CA8: variants seen among roughly 807,000 people sequenced by gnomAD.
The protein encoded by CA8 is carbonic anhydrase 8 (inactive), also known as carbonic anhydrase-related protein.
A neutral mutation model predicts 41.4 loss-of-function variants in CA8; 22 were observed. The observed-to-expected ratio is 0.53, with a 90% CI of 0.38 to 0.76. CA8 has a LOEUF of 0.76. Ranked by LOEUF, CA8 falls within the 30% of genes least tolerant of loss-of-function variation. The probability of loss-of-function intolerance (pLI) is 0.00; values close to 1 mark genes in which losing one functional copy is unlikely to be tolerated. For missense variants in CA8, 270 were observed against 352.8 expected, an observed-to-expected ratio of 0.77 and a Z score of 1.88; for synonymous variants, 121 against 130.6, an observed-to-expected ratio of 0.93 and a Z score of 0.50.
At chr8:60,249,686 TATC>T (rs1270714828) in intron 3 of CA8, among the ~76,000 whole-genome samples, 3 of 152,216 alleles carry the variant, frequency 2.0e-5, no homozygotes, top group South Asian at 2.1e-4. Flanking sequence ...GTATTTTCTG[TATC>T]ATCATTTTAC....
intron 7 of CA8, among the ~76,000 whole-genome samples, chr8:60,215,664 T>G (rs1806994869): frequency 6.6e-6 from 1 of 152,128 alleles, no homozygotes; most frequent in African/African-American, 2.4e-5. Flanking sequence ...TCTCCCTACA[T>G]AAGGCATGCT....
chr8:60,215,098 CCTGTT>C (rs1806969856), intron 7 of CA8, among the ~76,000 whole-genome samples: 1 of 151,878 alleles, frequency 6.6e-6, no homozygotes, highest in Admixed American at 6.6e-5. Flanking sequence ...ACCATAATAC[CCTGTT>C]CTATCAATTC....
rs542562285 is a variant in CA8, at chr8:60,255,057, C to T, written c.417+10868G>A. Among the ~76,000 whole-genome samples the T allele has an allele frequency of 3.5e-4, 53 of 152,240 alleles. 1 individual carries two copies. In the South Asian group the frequency reaches 0.011, roughly 32 times the overall value. On this transcript the variant is annotated intron_variant, in intron 3 of 8. Transcript: ENST00000317995. The stretch of plus-strand genomic sequence containing the variant: ...TAAGTGGGGAATTTGAGAGAGTCAT[C>T]AATCTTACTAATGGGACCGCTGCTT...
chr8:60,260,971 T>G (rs543717982), intron 3 of CA8, among the ~76,000 whole-genome samples: 9 of 152,170 alleles, frequency 5.9e-5, no homozygotes, highest in Admixed American at 3.9e-4. Flanking sequence ...TGAATAAAAA[T>G]AAATCTTTCT....
intron 3 of CA8, among the ~76,000 whole-genome samples, chr8:60,258,563 T>A (rs1042235171): frequency 6.6e-6 from 1 of 152,164 alleles, no homozygotes; most frequent in South Asian, 2.1e-4. Context: ...ATGATTCAAG[T>A]GCATTACATT....
At chr8:60,227,073 C>T (rs1295175517) in intron 4 of CA8, 138 bp from the exon 5 acceptor site, 2 of 714,648 alleles carry the variant, frequency 2.8e-6, no homozygotes, top group African/African-American at 3.5e-5. Context: ...GGGTGGATCA[C>T]AAGGTTAGGA....
intron 2 of CA8, among the ~76,000 whole-genome samples, chr8:60,276,218 G>A (rs1189069528): frequency 1.3e-5 from 2 of 152,180 alleles, no homozygotes; most frequent in Non-Finnish European, 2.9e-5. Context: ...GACTTCCACG[G>A]CATCCAGGAA....
chr8:60,270,978 T>G (rs1378042161), intron 2 of CA8, among the ~76,000 whole-genome samples: 1 of 152,122 alleles, frequency 6.6e-6, no homozygotes, highest in Non-Finnish European at 1.5e-5. Flanking sequence ...GTGAAGCACA[T>G]GCAAAATGAT....
At chr8:60,203,191 G>C (rs983168943) in intron 8 of CA8, among the ~76,000 whole-genome samples, 2 of 152,084 alleles carry the variant, frequency 1.3e-5, no homozygotes, top group African/African-American at 4.8e-5. Context: ...CTAGACTTTA[G>C]GTTGGCAGAT....
intron 7 of CA8, among the ~76,000 whole-genome samples, chr8:60,214,550 C>T (rs779244765): frequency 2.0e-5 from 3 of 152,202 alleles, no homozygotes; most frequent in Admixed American, 6.5e-5. Flanking sequence ...TGTGGCCCTA[C>T]GGCAACCTGG....
intron 8 of CA8, among the ~76,000 whole-genome samples, chr8:60,196,425 T>C (rs987897462): frequency 6.6e-6 from 1 of 152,110 alleles, no homozygotes; most frequent in African/African-American, 2.4e-5. Context: ...GCCCAAGTTG[T>C]GGAACAGCAA....
intron 2 of CA8, among the ~76,000 whole-genome samples, chr8:60,274,673 C>T (rs1469368633): frequency 1.3e-5 from 2 of 152,120 alleles, no homozygotes; most frequent in Admixed American, 6.5e-5. Flanking sequence ...CATGTGAGGA[C>T]GTAGCACCGA....
At chr8:60,254,912 G>T (rs1476660977) in intron 3 of CA8, among the ~76,000 whole-genome samples, 1 of 152,182 alleles carries the variant, frequency 6.6e-6, no homozygotes, top group Admixed American at 6.5e-5. Context: ...AAAAAGGGAT[G>T]TACAAAATCC....
intron 7 of CA8, among the ~76,000 whole-genome samples, chr8:60,214,072 C>T (rs924534687): frequency 6.6e-6 from 1 of 152,216 alleles, no homozygotes; most frequent in African/African-American, 2.4e-5. Flanking sequence ...GGGGATCTGA[C>T]ACATGCTCAA....
At chr8:60,210,151 C>T (rs984964581) in intron 7 of CA8, among the ~76,000 whole-genome samples, 2 of 152,184 alleles carry the variant, frequency 1.3e-5, no homozygotes, top group African/African-American at 4.8e-5. Flanking sequence ...TCCAAGTCTA[C>T]CTGCTCTTTT....
chr8:60,223,253 C>T (rs1359252708), intron 6 of CA8, among the ~76,000 whole-genome samples: 1 of 152,078 alleles, frequency 6.6e-6, no homozygotes, highest in African/African-American at 2.4e-5. Context: ...ACTGGCAGAG[C>T]CAGGATTCAA....
rs141808308 is a variant in CA8, at chr8:60,232,368, G to C, written c.429C>G (p.Ile143Met). Residue 143 changes from isoleucine (I) to methionine (M), a missense_variant, in exon 4 of 9, where the codon ATC becomes ATG. Physicochemically the swap from Ile to Met is conservative, Grantham distance 10 (BLOSUM62 1). Around this residue, in one of 3 missense-constraint regions of CA8, gnomAD observed 141 missense variants for 191.6 expected, o/e 0.74. Transcript: ENST00000317995. ...TGCCAAACAGAGTGGAGTTCCAGTG[G>C]ATCAGATGGAGCTGAGTGAGTGGCA... ...FKAFPMELHL[I>M]HWNSTLFGSI... 1 of 1,613,076 alleles carries C rather than the reference G, an allele frequency of 6.2e-7. No individual in the cohort carries two copies. The highest frequency in any genetic ancestry group is 1.1e-5 in the South Asian group (1 of 91,060).
intron 8 of CA8, among the ~76,000 whole-genome samples, chr8:60,206,379 G>A (rs1218966275): frequency 1.3e-5 from 2 of 152,038 alleles, no homozygotes; most frequent in Admixed American, 6.6e-5. Context: ...AAGAGAGAGA[G>A]AAAATAATAA....
At chr8:60,267,112 T>C (rs184723511) in intron 2 of CA8, among the ~76,000 whole-genome samples, 2 of 152,320 alleles carry the variant, frequency 1.3e-5, no homozygotes, top group African/African-American at 4.8e-5. Flanking sequence ...AGAAAGCAAA[T>C]TGGTGCAACA....
Sources: gnomAD v4.1 joint callset for allele counts (sites outside exome capture counted in the v4.1 genomes callset) on GRCh38, gnomAD v4.1.1 for gene constraint, gnomAD v4.1.1 regional missense constraint, MANE v1.5 for transcripts, NCBI Gene and HGNC (gene_info 2026-07-23, HGNC 2026-07-21) for gene names.